The following KIAA0825 variants were observed in gnomAD, a reference collection of about 807,000 sequenced individuals.
KIAA0825 encodes the protein uncharacterized protein KIAA0825.
In KIAA0825, 119 loss-of-function variants were observed where a neutral mutation model predicts 147.6. The observed-to-expected ratio is 0.81, with a 90% CI of 0.69 to 0.94. The LOEUF (loss-of-function observed/expected upper bound fraction) is 0.94, where lower values mean the gene tolerates loss of function less well. KIAA0825 is among the 40% of genes least tolerant of loss of function. The pLI is 0.00. For missense variants in KIAA0825, 1,381 were observed against 1,472.7 expected (o/e 0.94, Z 1.02); for synonymous variants, 470 against 518.1 (o/e 0.91, Z 1.26).
intron 20 of KIAA0825, among the ~76,000 whole-genome samples, chr5:94,201,608 G>GT (rs1287884525): frequency 6.7e-6 from 1 of 148,634 alleles, no homozygotes; most frequent in African/African-American, 2.5e-5. Context: ...TGTTTTTTTG[G>GT]TTTTTTGGTT....
At chr5:94,584,790 G>A (rs893642791) in intron 1 of KIAA0825, among the ~76,000 whole-genome samples, 1 of 152,180 alleles carries the variant, frequency 6.6e-6, no homozygotes, top group African/African-American at 2.4e-5. Context: ...CAGCCAGAGA[G>A]AAAGGTCATG....
At chr5:94,169,524 G>A (rs1768392873) in intron 20 of KIAA0825, among the ~76,000 whole-genome samples, 1 of 149,102 alleles carries the variant, frequency 6.7e-6, no homozygotes, top group East Asian at 2.0e-4. Flanking sequence ...AGAGGTTACA[G>A]TGAGCCAAGG....
intron 20 of KIAA0825, among the ~76,000 whole-genome samples, chr5:94,355,225 C>A (rs112298977): frequency 2.0e-5 from 3 of 152,100 alleles, no homozygotes; most frequent in African/African-American, 7.2e-5. Flanking sequence ...CTATTCAGAC[C>A]TTTAAGAGGT....
chr5:94,580,873 C>G (rs1317963527), intron 2 of KIAA0825, among the ~76,000 whole-genome samples: 1 of 7,182 alleles, frequency 1.4e-4, no homozygotes, highest in African/African-American at 1.1e-3. Flanking sequence ...GAGACTCCGT[C>G]TCAAAAAAAA....
intron 5 of KIAA0825, among the ~76,000 whole-genome samples, chr5:94,502,358 A>G (rs1765195821): frequency 6.6e-6 from 1 of 152,206 alleles, no homozygotes; most frequent in Admixed American, 6.5e-5. Flanking sequence ...CAACATCTAT[A>G]TTATAGAATA....
intron 6 of KIAA0825, among the ~76,000 whole-genome samples, chr5:94,483,446 A>G (rs141062939): frequency 1.0e-3 from 154 of 152,004 alleles, no homozygotes; most frequent in African/African-American, 3.5e-3. Flanking sequence ...CCAGGAACCA[A>G]TATGTCAGTC....
intron 20 of KIAA0825, among the ~76,000 whole-genome samples, chr5:94,262,498 C>A (rs538925811): frequency 6.6e-6 from 1 of 152,146 alleles, no homozygotes; most frequent in East Asian, 1.9e-4. Flanking sequence ...TATGCAATAA[C>A]TTTTACATTT....
intron 20 of KIAA0825, among the ~76,000 whole-genome samples, chr5:94,382,263 A>G (rs1173763232): frequency 6.6e-6 from 1 of 152,152 alleles, no homozygotes; most frequent in African/African-American, 2.4e-5. Context: ...TCAGAGTTCT[A>G]TGGTCTAATT....
chr5:94,175,122 T>A (rs1282863578), intron 20 of KIAA0825, among the ~76,000 whole-genome samples: 2 of 152,208 alleles, frequency 1.3e-5, no homozygotes, highest in East Asian at 3.9e-4. Context: ...TCACTGGTAC[T>A]TTCCCTGAAT....
chr5:94,517,033 G>A (rs1256645191), intron 5 of KIAA0825, among the ~76,000 whole-genome samples: 1 of 152,062 alleles, frequency 6.6e-6, no homozygotes, highest in Non-Finnish European at 1.5e-5. Context: ...CCCAGGAGGC[G>A]GAGGTTGCAG....
intron 5 of KIAA0825, among the ~76,000 whole-genome samples, chr5:94,502,837 G>A (rs771936754): frequency 7.9e-5 from 12 of 151,882 alleles, no homozygotes; most frequent in African/African-American, 1.7e-4. Context: ...AGCTGGGCAC[G>A]GTGGCTCACG....
At chr5:94,514,038 T>C (rs1035018899) in intron 5 of KIAA0825, among the ~76,000 whole-genome samples, 2 of 152,136 alleles carry the variant, frequency 1.3e-5, no homozygotes, top group African/African-American at 4.8e-5. Flanking sequence ...CATTGTCTAA[T>C]TTTTGGGTGG....
At chr5:94,480,603 G>T (rs553979810) in intron 6 of KIAA0825, among the ~76,000 whole-genome samples, 1 of 151,752 alleles carries the variant, frequency 6.6e-6, no homozygotes, top group African/African-American at 2.4e-5. Flanking sequence ...TAAGACTTAC[G>T]GAAAAAGTTA....
chr5:94,603,046 C>T (rs1406772712), intron 1 of KIAA0825, among the ~76,000 whole-genome samples: 2 of 152,096 alleles, frequency 1.3e-5, no homozygotes, highest in African/African-American at 4.8e-5. Flanking sequence ...CCAGGCTGGT[C>T]TTGAACTCCT....
intron 18 of KIAA0825, among the ~76,000 whole-genome samples, chr5:94,391,148 C>T (rs1749839902): frequency 6.6e-6 from 1 of 152,146 alleles, no homozygotes; most frequent in Non-Finnish European, 1.5e-5. Context: ...CCAGCCTCAC[C>T]AACACAAGCA....
intron 7 of KIAA0825, among the ~76,000 whole-genome samples, chr5:94,476,829 A>G (rs541984659): frequency 6.6e-6 from 1 of 152,138 alleles, no homozygotes; most frequent in Non-Finnish European, 1.5e-5. Flanking sequence ...AATTATCTAT[A>G]GCCCACATCC....
chr5:94,226,136 G>T (rs980689902), intron 20 of KIAA0825, among the ~76,000 whole-genome samples: 1 of 152,148 alleles, frequency 6.6e-6, no homozygotes, highest in Non-Finnish European at 1.5e-5. Context: ...CTAATATCCA[G>T]AATCTACAAA....
rs183065222 is a variant in KIAA0825, at chr5:94,509,787, C to G, written c.970+10461G>C. ...AAGAGGCTGTGATTGCTGCATTTTC[C>G]TATTTCTCTTCAGGGTCCAGCCTCC... On this transcript the variant is annotated intron_variant, in intron 5 of 20. Coordinates refer to ENST00000682413, the MANE Select transcript of KIAA0825 (RefSeq NM_001145678.3). Among the ~76,000 whole-genome samples, 336 of 152,242 alleles carry G rather than the reference C, an allele frequency of 2.2e-3. 2 individuals carry two copies. Among genetic ancestry groups the G allele is most frequent in the African/African-American group, 7.8e-3 (325 of 41,538 alleles).
intron 5 of KIAA0825, among the ~76,000 whole-genome samples, chr5:94,514,126 TATTA>T (rs1169317836): frequency 7.2e-5 from 11 of 152,188 alleles, no homozygotes; most frequent in African/African-American, 2.4e-4. Context: ...ATGCTATTGT[TATTA>T]ATTAATTAAT....
Sources: gnomAD v4.1 joint callset for allele counts (sites outside exome capture counted in the v4.1 genomes callset) on GRCh38, gnomAD v4.1.1 for gene constraint, MANE v1.5 for transcripts, NCBI Gene and HGNC (gene_info 2026-07-23, HGNC 2026-07-21) for gene names.